CNTN4: variants seen among roughly 807,000 people sequenced by gnomAD.
The protein encoded by CNTN4 is contactin-4.
In CNTN4, 77 loss-of-function variants were observed where a neutral mutation model predicts 122.5. The observed-to-expected ratio is 0.63, with a 90% CI of 0.52 to 0.76. The LOEUF is 0.76. CNTN4 is among the 30% of genes least tolerant of loss of function. The probability of loss-of-function intolerance (pLI) is 0.00; values close to 1 mark genes in which losing one functional copy is unlikely to be tolerated. For missense variants in CNTN4, 1,256 were observed against 1,259.1 expected (o/e 1.00, Z 0.04); for synonymous variants, 512 against 447.0 (o/e 1.15, Z -1.83).
At position 2,883,091 on chromosome 3, in the gene CNTN4, A is replaced by G. The variant is rs1577144797; in HGVS notation, c.653-54A>G. On this transcript the variant is annotated intron_variant, in intron 8 of 24. Coordinates refer to ENST00000418658, the MANE Select transcript of CNTN4 (RefSeq NM_175607.3). The stretch of plus-strand genomic sequence containing the variant: ...GCATTAACAGAAAAATGAGTTTTAC[A>G]TTTTATACATTTTAAAAGAATCTCC... 3 of 1,293,952 alleles carry G rather than the reference A, an allele frequency of 2.3e-6. No homozygotes were observed. The East Asian group carries it at 7.3e-5, about 31-fold the overall frequency. The allele number at this position is 1,293,952 out of a possible 1,614,324, so 80.2% of individuals were successfully genotyped here.
chr3:2,179,662 T>A (rs146987601), intron 2 of CNTN4, among the ~76,000 whole-genome samples: 1 of 151,602 alleles, frequency 6.6e-6, no homozygotes, highest in East Asian at 1.9e-4. Context: ...ACACTCAGTG[T>A]TTTTTTTAAT....
intron 4 of CNTN4, among the ~76,000 whole-genome samples, chr3:2,612,532 G>C (rs142511338): frequency 5.9e-5 from 9 of 152,148 alleles, no homozygotes; most frequent in Non-Finnish European, 8.8e-5. Flanking sequence ...TTGAAGTCAA[G>C]ATACAACATA....
chr3:2,755,886 A>G (rs1465967078), intron 6 of CNTN4, among the ~76,000 whole-genome samples: 1 of 152,216 alleles, frequency 6.6e-6, no homozygotes, highest in Non-Finnish European at 1.5e-5. Context: ...TCACCATAAA[A>G]AAACCAAGGT....
At chr3:2,595,013 A>G (rs970985440) in intron 4 of CNTN4, among the ~76,000 whole-genome samples, 7 of 152,208 alleles carry the variant, frequency 4.6e-5, no homozygotes, top group African/African-American at 1.4e-4. Flanking sequence ...CACATTGGGT[A>G]TGTGACCAGC....
At chr3:2,361,630 G>C (rs775619244) in intron 3 of CNTN4, among the ~76,000 whole-genome samples, 10 of 152,162 alleles carry the variant, frequency 6.6e-5, no homozygotes, top group Non-Finnish European at 1.5e-4. Flanking sequence ...AATAAGAGCT[G>C]AGTTATTAGG....
chr3:2,338,296 G>C (rs1458653867), intron 2 of CNTN4, among the ~76,000 whole-genome samples: 3 of 151,986 alleles, frequency 2.0e-5, no homozygotes, highest in Non-Finnish European at 4.4e-5. Context: ...TTCAGCCAGA[G>C]AAGGCATACA....
intron 3 of CNTN4, among the ~76,000 whole-genome samples, chr3:2,399,015 G>C (rs1401421348): frequency 1.3e-5 from 2 of 152,010 alleles, no homozygotes; most frequent in Non-Finnish European, 2.9e-5. Flanking sequence ...TTAGGAATCA[G>C]ACAGCATTTG....
At chr3:2,544,260 C>T (rs968964991) in intron 3 of CNTN4, among the ~76,000 whole-genome samples, 8 of 152,010 alleles carry the variant, frequency 5.3e-5, no homozygotes, top group Admixed American at 6.6e-5. Context: ...GATGGAGACA[C>T]GCTCCTCAGT....
chr3:2,640,636 T>G (rs1433829800), intron 4 of CNTN4, among the ~76,000 whole-genome samples: 2 of 92,980 alleles, frequency 2.2e-5, no homozygotes, highest in African/African-American at 6.1e-5. Context: ...AGTGAGTGTG[T>G]GTATATGTGT....
chr3:2,595,198 A>G (rs906854246), intron 4 of CNTN4, among the ~76,000 whole-genome samples: 12 of 152,216 alleles, frequency 7.9e-5, no homozygotes, highest in African/African-American at 2.7e-4. Flanking sequence ...CAATTGACTG[A>G]GTATTTCTGA....
chr3:2,916,348 G>A (rs112896233), intron 12 of CNTN4, among the ~76,000 whole-genome samples: 1 of 147,764 alleles, frequency 6.8e-6, no homozygotes, highest in African/African-American at 2.5e-5. Context: ...AGGGCCCTGC[G>A]GCCTTCCGCA....
chr3:2,664,271 T>C (rs2150317273), intron 4 of CNTN4, among the ~76,000 whole-genome samples: 1 of 152,210 alleles, frequency 6.6e-6, no homozygotes, highest in East Asian at 1.9e-4. Flanking sequence ...AGCCAGCTTC[T>C]GGAGGCAAAA....
intron 2 of CNTN4, among the ~76,000 whole-genome samples, chr3:2,191,900 C>A (rs2037582103): frequency 6.6e-6 from 1 of 151,828 alleles, no homozygotes. Context: ...CCACAACAGG[C>A]CCCAGTGTCT....
intron 2 of CNTN4, among the ~76,000 whole-genome samples, chr3:2,291,483 G>A (rs978791781): frequency 4.6e-5 from 7 of 152,096 alleles, no homozygotes; most frequent in East Asian, 1.9e-4. Context: ...AATAAAGTAT[G>A]TTAAAAGAAC....
chr3:2,126,436 A>C (rs1377622763), intron 2 of CNTN4, among the ~76,000 whole-genome samples: 1 of 152,106 alleles, frequency 6.6e-6, no homozygotes. Flanking sequence ...GTACTTTCTG[A>C]GCAATAAGAA....
chr3:3,037,350 G>T (rs181977811), intron 18 of CNTN4, 22 bp downstream of exon 18: 2 of 1,614,100 alleles, frequency 1.2e-6, no homozygotes, highest in East Asian at 4.5e-5. Context: ...CCGAGATTCA[G>T]ATCATCTGTT....
At chr3:2,536,509 AC>A (rs2077812517) in intron 3 of CNTN4, among the ~76,000 whole-genome samples, 1 of 152,124 alleles carries the variant, frequency 6.6e-6, no homozygotes, top group African/African-American at 2.4e-5. Context: ...TATCATAAAA[AC>A]AGTTGATCCT....
chr3:2,230,630 A>G (rs961691625), intron 2 of CNTN4, among the ~76,000 whole-genome samples: 3 of 152,152 alleles, frequency 2.0e-5, no homozygotes, highest in Non-Finnish European at 4.4e-5. Context: ...ATACAAAAGA[A>G]CACATGTCAT....
At chr3:2,483,407 AT>A (rs1347723932) in intron 3 of CNTN4, among the ~76,000 whole-genome samples, 1 of 152,092 alleles carries the variant, frequency 6.6e-6, no homozygotes, top group Non-Finnish European at 1.5e-5. Context: ...CTCAGATGAC[AT>A]TTTGGACTTG....
Sources: allele counts gnomAD v4.1 joint callset (sites outside exome capture counted in the v4.1 genomes callset), GRCh38; gene constraint gnomAD v4.1.1; transcripts MANE v1.5; gene names NCBI Gene and HGNC (gene_info 2026-07-23, HGNC 2026-07-21).